TRMT2B: variants seen among roughly 807,000 people sequenced by gnomAD.
TRMT2B encodes tRNA (uracil-5-)-methyltransferase homolog B.
TRMT2B carries 34 observed loss-of-function variants against 39.7 expected under a neutral mutation model. The observed-to-expected ratio is 0.86, with a 90% CI of 0.65 to 1.14. TRMT2B has a LOEUF of 1.14. Ranked by LOEUF, TRMT2B falls within the 50% of genes most tolerant of loss-of-function variation. The pLI is 0.00. For missense variants in TRMT2B, 318 were observed against 377.2 expected, an observed-to-expected ratio of 0.84 and a Z score of 1.30; for synonymous variants, 132 against 137.3, an observed-to-expected ratio of 0.96 and a Z score of 0.27.
chrX:100,986,375 G>A, the TRMT2B span, among the ~76,000 whole-genome samples: 1 of 111,665 alleles, frequency 9.0e-6, no homozygotes, highest in Non-Finnish European at 1.9e-5. Context: ...TGATAATGCA[G>A]GTGGCCAGTC....
At position 101,021,223 on chromosome X, in the gene TRMT2B, C is replaced by T. The variant is rs145912589; in HGVS notation, c.944G>A (p.Arg315His). 11 of 1,209,750 alleles carry T rather than the reference C, an allele frequency of 9.1e-6. No individual in the cohort carries two copies. Among genetic ancestry groups the T allele is most frequent in the African/African-American group, 7.0e-5 (4 of 57,259 alleles). ...CTGGAAAAAGGCATCTGGAGAGATGCGGATCTTCAAGCTCAGAAGTTCTTC... is the reference window on the plus strand; with the variant it reads ...CTGGAAAAAGGCATCTGGAGAGATGTGGATCTTCAAGCTCAGAAGTTCTTC... ...IFEELLSLKI[R>H]ISPDAFFQIN... Residue 315 changes from arginine to histidine, a missense_variant, in exon 10 of 14, where the codon CGC becomes CAC. Transcript: ENST00000372936.
At chrX:100,978,058 G>A in the TRMT2B span, among the ~76,000 whole-genome samples, 8 of 112,038 alleles carry the variant, frequency 7.1e-5, no homozygotes, top group Non-Finnish European at 1.5e-4. Context: ...GTAGTTCTAT[G>A]TTTAGTTTTT....
chrX:101,028,016 T>C (rs2087211816), intron 7 of TRMT2B, among the ~76,000 whole-genome samples: 1 of 109,194 alleles, frequency 9.2e-6, no homozygotes, highest in Non-Finnish European at 1.9e-5. Context: ...GACATATACA[T>C]ATACTTGGGA....
intron 7 of TRMT2B, among the ~76,000 whole-genome samples, chrX:101,032,543 C>T (rs1473861421): frequency 1.3e-4 from 14 of 107,833 alleles, no homozygotes; most frequent in Non-Finnish European, 2.5e-4. Context: ...GCCAAGTTCA[C>T]GCCACTGCAC....
At chrX:101,012,569 GGT>G (rs2086309925) in intron 13 of TRMT2B, among the ~76,000 whole-genome samples, 1 of 105,221 alleles carries the variant, frequency 9.5e-6, no homozygotes, top group African/African-American at 3.5e-5. Context: ...GAGAATATGC[GGT>G]GTTTGGTTTT....
the TRMT2B span, among the ~76,000 whole-genome samples, chrX:101,003,180 T>C: frequency 9.3e-6 from 1 of 107,710 alleles, no homozygotes. Context: ...CCTCCCAAAG[T>C]GCTGGGATTA....
chrX:100,991,669 C>T, the TRMT2B span, among the ~76,000 whole-genome samples: 3 of 112,189 alleles, frequency 2.7e-5, no homozygotes, highest in East Asian at 2.8e-4. Flanking sequence ...CCACCGCGCC[C>T]GGCCCACAGT....
chrX:101,051,798 A>C lies in TRMT2B; in HGVS notation c.-507+19T>G. 1 of 571,115 alleles carries C rather than the reference A, an allele frequency of 1.8e-6. No individual in the cohort carries two copies. The highest frequency in any genetic ancestry group is 2.1e-6 in the Non-Finnish European group (1 of 471,493). 47.1% of individuals were successfully genotyped at this position (571,115 alleles called of 1,213,427 possible). A position where few individuals can be genotyped will look rare whatever the true frequency, so the allele number is the denominator to read the frequency against. Reference sequence around the variant, plus strand: ...ATCCACCTTACCTTCCTTCGTAACCAATAAATCCTCTTACAAACCTGAGGC... The same window carrying C: ...ATCCACCTTACCTTCCTTCGTAACCCATAAATCCTCTTACAAACCTGAGGC... On this transcript the variant is annotated intron_variant, in intron 1 of 13. Transcript: ENST00000372936.
intron 7 of TRMT2B, among the ~76,000 whole-genome samples, chrX:101,030,454 CTT>C (rs1331923176): frequency 1.4e-5 from 1 of 71,828 alleles, no homozygotes. Context: ...GATCTGCATT[CTT>C]TTTTTTTTTT....
At chrX:101,028,109 GCTCT>G (rs2087222630) in intron 7 of TRMT2B, among the ~76,000 whole-genome samples, 1 of 97,206 alleles carries the variant, frequency 1.0e-5, no homozygotes, top group Non-Finnish European at 2.1e-5. Context: ...TTTACTTCTT[GCTCT>G]TTTTTTTTTT....
At chrX:100,974,171 CTG>C in the TRMT2B span, 21 of 1,192,083 alleles carry the variant, frequency 1.8e-5, no homozygotes, top group Non-Finnish European at 2.1e-5. Flanking sequence ...TCTGGCAAAA[CTG>C]TTCTTGTGGA....
chrX:100,992,495 C>T, the TRMT2B span, among the ~76,000 whole-genome samples: 7 of 111,090 alleles, frequency 6.3e-5, no homozygotes, highest in Admixed American at 4.8e-4. Flanking sequence ...GTCGGAGAAT[C>T]GCTTGAACCC....
At chrX:101,029,866 G>A (rs991225382) in intron 7 of TRMT2B, among the ~76,000 whole-genome samples, 9 of 111,711 alleles carry the variant, frequency 8.1e-5, no homozygotes, top group African/African-American at 2.3e-4. Flanking sequence ...CACAATCCTG[G>A]TAAGGCTCAC....
intron 3 of TRMT2B, 56 bp from the exon 4 acceptor site, chrX:101,041,427 T>C: frequency 9.5e-7 from 1 of 1,053,475 alleles, no homozygotes; most frequent in Non-Finnish European, 1.3e-6. Context: ...ACTGAGTGCC[T>C]ACTATGCATA....
At chrX:101,020,710 C>T (rs954426093) in intron 10 of TRMT2B, 122 bp from the exon 11 acceptor site, 75 of 572,087 alleles carry the variant, frequency 1.3e-4, no homozygotes, top group Non-Finnish European at 2.0e-4. Flanking sequence ...CACTCTGTAG[C>T]CTAGGCTGGA....
the TRMT2B span, among the ~76,000 whole-genome samples, chrX:100,991,758 G>A: frequency 9.0e-6 from 1 of 111,691 alleles, no homozygotes; most frequent in African/African-American, 3.3e-5. Context: ...TTTCACAGAT[G>A]AGGAAACTAA....
At chrX:101,017,659 T>A (rs756148577) in intron 13 of TRMT2B, among the ~76,000 whole-genome samples, 1 of 111,859 alleles carries the variant, frequency 8.9e-6, no homozygotes, top group Non-Finnish European at 1.9e-5. Context: ...TAGAGTGAAG[T>A]GAAAGGCACT....
chrX:100,990,664 C>A, the TRMT2B span: 1 of 1,006,565 alleles, frequency 9.9e-7, no homozygotes, highest in Non-Finnish European at 1.4e-6. Context: ...GACTTTACAT[C>A]TTTGTACCGA....
intron 12 of TRMT2B, 82 bp downstream of exon 12, chrX:101,019,202 A>G: frequency 6.8e-6 from 8 of 1,171,715 alleles, no homozygotes; most frequent in Non-Finnish European, 9.3e-6. Context: ...GCCCACTGGG[A>G]GCACCCGTAG....
Sources: allele counts gnomAD v4.1 joint callset (sites outside exome capture counted in the v4.1 genomes callset), GRCh38; gene constraint gnomAD v4.1.1; transcripts MANE v1.5; gene names NCBI Gene and HGNC (gene_info 2026-07-23, HGNC 2026-07-21).